Variants in DHRS12 observed in about 807,000 individuals in gnomAD.
The protein encoded by DHRS12 is dehydrogenase/reductase 12, also known as dehydrogenase/reductase SDR family member 12.
In DHRS12, 29 loss-of-function variants were observed where a neutral mutation model predicts 32.1. The observed-to-expected ratio is 0.90, with a 90% CI of 0.67 to 1.23. The LOEUF (loss-of-function observed/expected upper bound fraction) is 1.23. DHRS12 is among the 50% of genes most tolerant of loss of function. The probability of loss-of-function intolerance (pLI) is 0.00; values close to 1 mark genes in which losing one functional copy is unlikely to be tolerated. For synonymous variants in DHRS12, 150 were observed against 135.9 expected (o/e 1.10, Z -0.72); for missense variants, 330 against 337.2 (o/e 0.98, Z 0.17).
chr13:51,771,961 G>T (rs1360000542), intron 6 of DHRS12, 50 bp from the exon 7 acceptor site: 2 of 1,583,092 alleles, frequency 1.3e-6, no homozygotes. Context: ...GGCGCCATTA[G>T]GTGCAAGGGC....
intron 4 of DHRS12, chr13:51,789,717 C>T: frequency 1.0e-6 from 1 of 985,446 alleles, no homozygotes; most frequent in Non-Finnish European, 1.2e-6. Context: ...GCACTCAACA[C>T]TTAAGCTGAA....
At chr13:51,758,402 G>T in the DHRS12 span, 1 of 797,520 alleles carries the variant, frequency 1.3e-6, no homozygotes, top group Non-Finnish European at 1.9e-6. Context: ...TTATCCTTGG[G>T]TAGCCGGCCA....
At chr13:51,776,918 G>T in intron 5 of DHRS12, 142 bp downstream of exon 5, 1 of 894,260 alleles carries the variant, frequency 1.1e-6, no homozygotes, top group Non-Finnish European at 1.8e-6. Context: ...TTCCCTCTCG[G>T]CCCCCTGACA....
At chr13:51,771,700 G>T in intron 7 of DHRS12, 121 bp downstream of exon 7, 1 of 1,367,066 alleles carries the variant, frequency 7.3e-7, no homozygotes, top group Non-Finnish European at 1.0e-6. Flanking sequence ...TGGAAATGAA[G>T]CTACTCCTCA....
intron 6 of DHRS12, 47 bp from the exon 7 acceptor site, chr13:51,771,958 T>G (rs560109576): frequency 6.3e-7 from 1 of 1,593,740 alleles, no homozygotes; most frequent in African/African-American, 1.3e-5. Context: ...GGAGGCGCCA[T>G]TAGGTGCAAG....
chr13:51,781,211 A>G (rs1263336500), intron 4 of DHRS12, among the ~76,000 whole-genome samples: 1 of 152,230 alleles, frequency 6.6e-6, no homozygotes, highest in African/African-American at 2.4e-5. Flanking sequence ...ACAGCAGGAC[A>G]GAGTCCCAGA....
rs1593568163 is a variant in DHRS12, at chr13:51,797,961, C to A, written c.126+1573G>T. On this transcript the variant is annotated intron_variant, in intron 2 of 8. Transcript: ENST00000444610. Reference sequence around the variant, plus strand: ...GAGTTACAGCGAGAGCTACAGAAACCAGCTCTTCCTAATGAAAAATGAAGA... The same window carrying A: ...GAGTTACAGCGAGAGCTACAGAAACAAGCTCTTCCTAATGAAAAATGAAGA... 3.3e-6 allele frequency: 5 copies of A among 1,496,000 alleles called. No homozygotes were observed. In the East Asian group the frequency reaches 1.2e-4, roughly 37 times the overall value. 92.7% of individuals were successfully genotyped at this position (1,496,000 alleles called of 1,614,324 possible). A position where few individuals can be genotyped will look rare whatever the true frequency, so the allele number is the denominator to read the frequency against.
At position 51,768,438 on chromosome 13, in the gene DHRS12, A is replaced by G. The variant is rs1259938946; in HGVS notation, c.698-142T>C. ...TGTTAGACCCCCATCCCTGCTGTCA[A>G]AGGTCCCACAGGGATCAGGCAGCAT... is the stretch of plus-strand genomic sequence containing the variant. On this transcript the variant is annotated intron_variant, in intron 8 of 8. Coordinates refer to ENST00000444610, the MANE Select transcript of DHRS12 (RefSeq NM_001377533.1). 3 of 1,461,376 alleles carry G rather than the reference A, an allele frequency of 2.1e-6. No homozygotes were observed. The East Asian group carries it at 7.4e-5, about 36-fold the overall frequency. The allele number at this position is 1,461,376 out of a possible 1,614,324, so 90.5% of individuals were successfully genotyped here.
At chr13:51,804,028 C>A in intron 1 of DHRS12, 26 bp downstream of exon 1, 2 of 1,463,552 alleles carry the variant, frequency 1.4e-6, no homozygotes, top group Non-Finnish European at 1.8e-6. Flanking sequence ...CAGCCCGGGG[C>A]CCCGCGCCCC....
rs964924853 is a variant in DHRS12, at chr13:51,804,009, G to A, written c.-9+45C>T. 5 of 1,437,974 alleles carry A rather than the reference G, an allele frequency of 3.5e-6. No homozygotes were observed. The African/African-American group carries it at 4.5e-5, about 13-fold the overall frequency. 89.1% of individuals were successfully genotyped at this position (1,437,974 alleles called of 1,614,324 possible). ...ACCCTGCTCGCCCGCGCCGAGGCGG[G>A]CCACGTGACAGCCCGGGGCCCCGCG... On this transcript the variant is annotated intron_variant, in intron 1 of 8. Coordinates refer to ENST00000444610, the MANE Select transcript of DHRS12 (RefSeq NM_001377533.1).
chr13:51,787,869 A>T (rs191665106), intron 4 of DHRS12, among the ~76,000 whole-genome samples: 1 of 12,080 alleles, frequency 8.3e-5, no homozygotes, highest in South Asian at 1.4e-3. Context: ...TAATATATAA[A>T]TATATAATTA....
chr13:51,789,752 TCTATAAACAGC>T (rs1177039295), intron 4 of DHRS12: 1 of 985,260 alleles, frequency 1.0e-6, no homozygotes, highest in Non-Finnish European at 1.2e-6. Flanking sequence ...CAAAACAATG[TCTATAAACAGC>T]CTAGCGCTTC....
At chr13:51,771,528 C>G (rs769637625) in intron 7 of DHRS12, 1 of 1,612,484 alleles carries the variant, frequency 6.2e-7, no homozygotes, top group Non-Finnish European at 8.5e-7. Flanking sequence ...CACCGGCTCC[C>G]TCTCTCACCA....
At chr13:51,803,852 A>C (rs574760114) in intron 1 of DHRS12, 5 of 393,762 alleles carry the variant, frequency 1.3e-5, no homozygotes, top group Non-Finnish European at 1.7e-5. Context: ...GGTCGCGGGC[A>C]TTGAGCGGCT....
chr13:51,756,409 C>T, the DHRS12 span: 6 of 1,614,068 alleles, frequency 3.7e-6, no homozygotes, highest in East Asian at 2.2e-5. Flanking sequence ...TGATGGGCTT[C>T]GAGTTTGAAG....
Position 51,799,569 on chromosome 13 carries a change from A to G in DHRS12, c.91T>C (p.Leu31=), listed in dbSNP as rs1955659933. 5 of 1,614,076 alleles carry G rather than the reference A, an allele frequency of 3.1e-6. No individual in the cohort carries two copies. The highest frequency in any genetic ancestry group is 3.4e-6 in the Non-Finnish European group (4 of 1,179,990). Residue 31 remains leucine (L), a synonymous_variant, in exon 2 of 9, where the codon TTG becomes CTG. Coordinates refer to ENST00000444610, the MANE Select transcript of DHRS12 (RefSeq NM_001377533.1). The stretch of plus-strand genomic sequence containing the variant: ...GATTTCAAGGGCAGTTGCTTTGCCA[A>G]TGCCGCTGTTTCCTCCAGTGACCAA... The part of the protein sequence containing the change: ...SFWSLEETAA[L]AKQLPLKSPS...
intron 1 of DHRS12, among the ~76,000 whole-genome samples, chr13:51,802,157 A>G (rs1224880564): frequency 6.9e-6 from 1 of 144,312 alleles, no homozygotes; most frequent in African/African-American, 2.6e-5. Context: ...TCTAGATATC[A>G]GTCTCTATTT....
intron 4 of DHRS12, among the ~76,000 whole-genome samples, chr13:51,787,811 T>A (rs985656110): frequency 5.6e-5 from 7 of 124,344 alleles, no homozygotes; most frequent in African/African-American, 2.1e-4. Context: ...TATTTATATA[T>A]AATTTATATA....
Position 51,769,171 on chromosome 13 carries a change from C to A in DHRS12, c.682G>T (p.Gly228Cys). The A allele has an allele frequency of 6.4e-7, 1 of 1,551,272 alleles. No individual in the cohort carries two copies. Among genetic ancestry groups the A allele is most frequent in the Non-Finnish European group, 8.7e-7 (1 of 1,148,268 alleles). Residue 228 changes from glycine to cysteine, a missense_variant, in exon 8 of 9, where the codon GGC becomes TGC. Physicochemically the swap from Gly to Cys is radical, Grantham distance 159. Coordinates refer to ENST00000444610, the MANE Select transcript of DHRS12 (RefSeq NM_001377533.1). ...LSSAAAAQPS[G>C]RFFQDRKPVS... ...AGGAAGTCACCTTGAAAGAAGCGGC[C>A]GCTGGGCTGTGCGGCTGCGGCAGAG...
Sources: allele counts gnomAD v4.1 joint callset (sites outside exome capture counted in the v4.1 genomes callset), GRCh38; gene constraint gnomAD v4.1.1; transcripts MANE v1.5; gene names NCBI Gene and HGNC (gene_info 2026-07-23, HGNC 2026-07-21).